Variants in PCDHGB6 observed in about 807,000 individuals in gnomAD.
The protein encoded by PCDHGB6 is protocadherin gamma subfamily B, 6, also known as protocadherin gamma-B6.
Under a neutral mutation model 59.1 loss-of-function variants are expected in PCDHGB6, and 51 were observed. That is an observed-to-expected ratio of 0.86 (90% confidence interval 0.69 to 1.09). The LOEUF (loss-of-function observed/expected upper bound fraction) is 1.09. Among genes scored for constraint, PCDHGB6 ranks in the 50% least tolerant of loss-of-function variants. The pLI is 0.00. For missense variants in PCDHGB6, 1,148 were observed against 1,205.1 expected, an observed-to-expected ratio of 0.95 and a Z score of 0.70; for synonymous variants, 466 against 495.1, an observed-to-expected ratio of 0.94 and a Z score of 0.78.
chr5:141,452,748 A>G (rs2098748275), intron 1 of PCDHGB6, among the ~76,000 whole-genome samples: 1 of 152,058 alleles, frequency 6.6e-6, no homozygotes, highest in Admixed American at 6.6e-5. Flanking sequence ...GAGAGAAGGA[A>G]GAAGGAAGGG....
intron 1 of PCDHGB6, chr5:141,413,439 G>A (rs747331348): frequency 1.1e-4 from 179 of 1,613,988 alleles, no homozygotes; most frequent in Non-Finnish European, 1.4e-4. Flanking sequence ...GCGGCAGCTT[G>A]ATCACCGCGG....
chr5:141,488,131 G>A (rs2099672034), intron 1 of PCDHGB6, among the ~76,000 whole-genome samples: 1 of 152,202 alleles, frequency 6.6e-6, no homozygotes, highest in Non-Finnish European at 1.5e-5. Context: ...GCAGAAAGAG[G>A]AGAGAACTAA....
intron 1 of PCDHGB6, chr5:141,428,598 C>T (rs2097150047): frequency 4.5e-6 from 1 of 224,296 alleles, no homozygotes; most frequent in African/African-American, 2.3e-5. Context: ...TAGCAAGCTT[C>T]ACTGAAGAGA....
At chr5:141,462,497 T>C (rs1333421053) in intron 1 of PCDHGB6, among the ~76,000 whole-genome samples, 1 of 152,244 alleles carries the variant, frequency 6.6e-6, no homozygotes, top group Non-Finnish European at 1.5e-5. Flanking sequence ...TATCCTATAA[T>C]TGTCAACTAG....
chr5:141,454,172 C>T (rs1001368287), intron 1 of PCDHGB6, among the ~76,000 whole-genome samples: 4 of 152,126 alleles, frequency 2.6e-5, no homozygotes, highest in Non-Finnish European at 5.9e-5. Context: ...TCTAGAAGGG[C>T]AGCTAAAGGA....
intron 1 of PCDHGB6, chr5:141,441,857 ACGCCGC>A (rs2098279969): frequency 2.8e-6 from 1 of 352,664 alleles, no homozygotes; most frequent in Non-Finnish European, 5.6e-6. Flanking sequence ...ATGGTGCTGC[ACGCCGC>A]GGAGCCTGGC....
chr5:141,483,779 A>G (rs1259583177), intron 1 of PCDHGB6, among the ~76,000 whole-genome samples: 2 of 152,146 alleles, frequency 1.3e-5, no homozygotes, highest in Non-Finnish European at 2.9e-5. Context: ...TTGGGGAAGG[A>G]TAAGAACTCC....
At chr5:141,418,344 T>G (rs746519142) in intron 1 of PCDHGB6, 1 of 1,614,008 alleles carries the variant, frequency 6.2e-7, no homozygotes, top group Non-Finnish European at 8.5e-7. Context: ...GATCCTGATA[T>G]TAGTATGAAT....
chr5:141,492,257 A>G (rs955890030), intron 1 of PCDHGB6, among the ~76,000 whole-genome samples: 1 of 152,126 alleles, frequency 6.6e-6, no homozygotes, highest in Non-Finnish European at 1.5e-5. Flanking sequence ...GGCCCACACA[A>G]GTTGCACGGG....
At chr5:141,430,689 T>A in intron 1 of PCDHGB6, 1 of 1,408,998 alleles carries the variant, frequency 7.1e-7, no homozygotes, top group Non-Finnish European at 9.4e-7. Flanking sequence ...TCCCATTCTA[T>A]GGGCGAAGGA....
rs1266893654 is a variant in PCDHGB6 at position 141,408,563 on chromosome 5, G to T, written c.361G>T (p.Val121Leu). 1 of 1,614,040 alleles carries T rather than the reference G, an allele frequency of 6.2e-7. No individual in the cohort carries two copies. The highest frequency in any genetic ancestry group is 1.1e-5 in the South Asian group (1 of 91,082). Residue 121 changes from valine (V) to leucine (L), a missense_variant, in exon 1 of 4, where the codon GTG becomes TTG. By Grantham distance (32) the Val-to-Leu change is conservative. Around this residue, in one of 5 missense-constraint regions of PCDHGB6, gnomAD observed 307 missense variants for 323.8 expected, o/e 0.95. Transcript: ENST00000520790. ...TCCTTTAAATATTTTTCATGTCATT[G>T]TGGTGATTGAGGATGTTAATGACCA... ...ENPLNIFHVI[V>L]VIEDVNDHAP... is the part of the protein sequence containing the mutation.
At chr5:141,465,094 GT>G (rs138941665) in intron 1 of PCDHGB6, among the ~76,000 whole-genome samples, 203 of 148,178 alleles carry the variant, frequency 1.4e-3, no homozygotes, top group Admixed American at 7.3e-3. Context: ...TTTTCTAGTA[GT>G]TTTTTTTTTA....
rs751153896 is a variant in PCDHGB6, at chr5:141,477,514, T to C, written c.2419-17293T>C. On this transcript the variant is annotated intron_variant, in intron 1 of 3. Transcript: ENST00000520790. The surrounding 1 kb of genome is among the most constrained non-coding windows in gnomAD (Gnocchi z 4.9). ...CTCAATCTTCCTACGACGTTTACAT[T>C]GAAGAAAACAACCTCCCCGGGGCTC... is the stretch of plus-strand genomic sequence containing the variant. 2 of 1,614,114 alleles carry C rather than the reference T, an allele frequency of 1.2e-6. No individual in the cohort carries two copies. The highest frequency in any genetic ancestry group is 2.2e-5 in the East Asian group (1 of 44,878).
intron 2 of PCDHGB6, among the ~76,000 whole-genome samples, chr5:141,503,075 G>C (rs1373753092): frequency 6.6e-6 from 1 of 151,438 alleles, no homozygotes; most frequent in Non-Finnish European, 1.5e-5. Context: ...GAATGGTCTC[G>C]ATCTCCTGAC....
At chr5:141,480,198 G>A (rs1280951298) in intron 1 of PCDHGB6, among the ~76,000 whole-genome samples, 2 of 150,780 alleles carry the variant, frequency 1.3e-5, no homozygotes, top group African/African-American at 4.9e-5. Flanking sequence ...GAGGCCAGCA[G>A]TTCAAGACCA....
At chr5:141,437,150 A>T (rs572721302) in intron 1 of PCDHGB6, among the ~76,000 whole-genome samples, 1 of 152,328 alleles carries the variant, frequency 6.6e-6, no homozygotes, top group East Asian at 1.9e-4. Flanking sequence ...CATAATTAAC[A>T]TATGTGTTGA....
chr5:141,441,835 G>A (rs1423189098), intron 1 of PCDHGB6: 9 of 353,636 alleles, frequency 2.5e-5, no homozygotes, highest in Admixed American at 2.1e-4. Flanking sequence ...CAATGGCTTC[G>A]CGCTCTTGGA....
intron 1 of PCDHGB6, among the ~76,000 whole-genome samples, chr5:141,436,809 A>T (rs2097847373): frequency 6.6e-6 from 1 of 152,242 alleles, no homozygotes; most frequent in Non-Finnish European, 1.5e-5. Context: ...TTTTTGTGAC[A>T]GCTGGTTTAA....
Position 141,494,803 on chromosome 5 carries a change from A to G in PCDHGB6, c.2419-4A>G. On this transcript the variant is annotated splice_polypyrimidine_tract_variant and splice_region_variant and intron_variant, in intron 1 of 3. Transcript: ENST00000520790. ...CAGCCCCTTTCCCTCTGTTTTCTCC[A>G]CAGCAAGCCCCGCCCAACACGGACT... The G allele has an allele frequency of 6.2e-7, 1 of 1,613,646 alleles. No individual in the cohort carries two copies. Among genetic ancestry groups the G allele is most frequent in the Non-Finnish European group, 8.5e-7 (1 of 1,179,900 alleles).
Sources: gnomAD v4.1 joint callset for allele counts (sites outside exome capture counted in the v4.1 genomes callset) on GRCh38, gnomAD v4.1.1 for gene constraint, gnomAD v4.1.1 regional missense constraint, Gnocchi (gnomAD v3.1) non-coding constraint, MANE v1.5 for transcripts, NCBI Gene and HGNC (gene_info 2026-07-23, HGNC 2026-07-21) for gene names.